The following GRIN2B variants were observed in gnomAD, a reference collection of about 807,000 sequenced individuals.
The protein encoded by GRIN2B is glutamate ionotropic receptor NMDA type subunit 2B.
In GRIN2B, 5 loss-of-function variants were observed where a neutral mutation model predicts 114.5. That is an observed-to-expected ratio of 0.04 (90% CI 0.02 to 0.09). The LOEUF (loss-of-function observed/expected upper bound fraction) is 0.09. GRIN2B is among the 10% of genes least tolerant of loss of function. GRIN2B has a pLI of 1.00. For missense variants in GRIN2B, 1,108 were observed against 1,943.5 expected (o/e 0.57, Z 8.08); for synonymous variants, 787 against 745.1 (o/e 1.06, Z -0.92).
At chr12:13,573,650 CCTCTTGGT>C (rs1244497291) in intron 10 of GRIN2B, among the ~76,000 whole-genome samples, 2 of 152,166 alleles carry the variant, frequency 1.3e-5, no homozygotes, top group Admixed American at 6.5e-5. Flanking sequence ...TATTTGAAGT[CCTCTTGGT>C]TTCAAGTAAT....
At position 13,554,150 on chromosome 12, in the gene GRIN2B, T is replaced by C. The variant is rs908533201; in HGVS notation, c.*8633A>G. On this transcript the variant is annotated 3_prime_UTR_variant, in exon 14 of 14. Coordinates refer to ENST00000609686, the MANE Select transcript of GRIN2B (RefSeq NM_000834.5). ...AATGCCTTTCATATACAAGGCACTC[T>C]GTTTAGTGCTACAGGAGATAAAAAG... The C allele has an allele frequency of 1.5e-4, 23 of 152,172 alleles. No individual in the cohort carries two copies. The highest frequency in any genetic ancestry group is 5.3e-4 in the African/African-American group (22 of 41,438). 9.4% of individuals were successfully genotyped at this position (152,172 alleles called of 1,614,324 possible).
chr12:13,655,616 T>C (rs1227966561), intron 5 of GRIN2B, among the ~76,000 whole-genome samples: 1 of 152,210 alleles, frequency 6.6e-6, no homozygotes, highest in Non-Finnish European at 1.5e-5. Flanking sequence ...GGCTCTTCCA[T>C]TGACTAGCTG....
chr12:13,920,219 C>A, intron 2 of GRIN2B, among the ~76,000 whole-genome samples: 1 of 131,808 alleles, frequency 7.6e-6, no homozygotes, highest in African/African-American at 2.9e-5. Flanking sequence ...GGTAACATAG[C>A]AAGACCCTAT....
chr12:13,563,160 C>T lies in GRIN2B; in HGVS notation c.4078G>A (p.Gly1360Arg). The stretch of plus-strand genomic sequence containing the variant: ...CCGGGGTTGTTGTGGTGGTGATGTC[C>T]GGCAGTGGGCACTGAGGACTTGTTG... ...ANNKSSVPTA[G>R]HHHHNNPGGG... Residue 1360 changes from glycine to arginine, a missense_variant, in exon 14 of 14, where the codon GGA becomes AGA. By Grantham distance (125) the Gly-to-Arg change is moderately radical (BLOSUM62 -2). Transcript: ENST00000609686. The T allele has an allele frequency of 6.2e-7, 1 of 1,614,176 alleles. No individual in the cohort carries two copies. Among genetic ancestry groups the T allele is most frequent in the Non-Finnish European group, 8.5e-7 (1 of 1,180,044 alleles).
In GRIN2B at chr12:13,540,232, G is replaced by T. The variant is rs929884688; in HGVS notation, c.*22551C>A. The T allele has an allele frequency of 1.3e-5, 2 of 152,060 alleles. No individual in the cohort carries two copies. Among genetic ancestry groups the T allele is most frequent in the Non-Finnish European group, 2.9e-5 (2 of 68,006 alleles). The allele number at this position is 152,060 out of a possible 1,614,324, so 9.4% of individuals were successfully genotyped here. A position where few individuals can be genotyped will look rare whatever the true frequency, so the allele number is the denominator to read the frequency against. On this transcript the variant is annotated 3_prime_UTR_variant, in exon 14 of 14. Transcript: ENST00000609686. ...GACCAAGAAAAAAACTCTGATTCTG[G>T]ATTTTTTTTAACCCTGATAATTTGT... is the stretch of plus-strand genomic sequence containing the variant.
At chr12:13,958,524 G>T (rs912461657) in intron 2 of GRIN2B, among the ~76,000 whole-genome samples, 8 of 152,202 alleles carry the variant, frequency 5.3e-5, no homozygotes, top group African/African-American at 1.9e-4. Context: ...TACCCCCATA[G>T]GTTAGTACAC....
chr12:13,645,570 C>A (rs1402040552), intron 5 of GRIN2B, among the ~76,000 whole-genome samples: 1 of 152,112 alleles, frequency 6.6e-6, no homozygotes, highest in Non-Finnish European at 1.5e-5. Context: ...TTGTAAAAAA[C>A]ACAGTGTCTG....
chr12:13,663,066 G>C (rs141823023), intron 5 of GRIN2B, among the ~76,000 whole-genome samples: 1 of 152,088 alleles, frequency 6.6e-6, no homozygotes, highest in African/African-American at 2.4e-5. Flanking sequence ...TGTACTTCTA[G>C]TAGGTTCCCC....
chr12:13,831,246 C>A (rs1455722707), intron 3 of GRIN2B, among the ~76,000 whole-genome samples: 1 of 152,152 alleles, frequency 6.6e-6, no homozygotes. Context: ...CCAAATAATC[C>A]TCTTTTCTTT....
At chr12:13,870,633 A>C (rs1865889843) in intron 2 of GRIN2B, among the ~76,000 whole-genome samples, 1 of 152,072 alleles carries the variant, frequency 6.6e-6, no homozygotes, top group Non-Finnish European at 1.5e-5. Context: ...TTAATCAATA[A>C]TTAAGTCAAA....
intron 10 of GRIN2B, among the ~76,000 whole-genome samples, chr12:13,578,983 C>T (rs972429361): frequency 2.0e-5 from 3 of 151,884 alleles, no homozygotes; most frequent in Non-Finnish European, 2.9e-5. Flanking sequence ...AATAATGTGG[C>T]GGGTGCTATG....
chr12:13,590,402 C>T lies in GRIN2B; in HGVS notation c.2010+18201G>A, dbSNP rs145998121. On this transcript the variant is annotated intron_variant, in intron 10 of 13. Coordinates refer to ENST00000609686, the MANE Select transcript of GRIN2B (RefSeq NM_000834.5). ...TCTCCCTCCCCTAGCCCCCCACTCC[C>T]GACAGGTGCTGGTGTGTGATGTTCC... Among the ~76,000 whole-genome samples, 4 of 152,144 alleles carry T rather than the reference C, an allele frequency of 2.6e-5. No individual in the cohort carries two copies. In the East Asian group the frequency reaches 5.8e-4, roughly 22 times the overall value.
chr12:13,706,991 G>C (rs970920700), intron 4 of GRIN2B, among the ~76,000 whole-genome samples: 13 of 152,022 alleles, frequency 8.6e-5, no homozygotes, highest in African/African-American at 3.1e-4. Flanking sequence ...GAGGCAATGA[G>C]GTTTTCCAAC....
At chr12:13,681,380 C>T (rs181572566) in intron 4 of GRIN2B, among the ~76,000 whole-genome samples, 32 of 152,188 alleles carry the variant, frequency 2.1e-4, no homozygotes, top group Admixed American at 2.0e-3. Context: ...TTTCCATGTG[C>T]CACCATGCTT....
At chr12:13,755,340 G>C (rs1256774212) in intron 3 of GRIN2B, among the ~76,000 whole-genome samples, 1 of 152,220 alleles carries the variant, frequency 6.6e-6, no homozygotes, top group African/African-American at 2.4e-5. Context: ...TCGGCAATGA[G>C]AGCTGCCAGC....
chr12:13,799,700 AG>A (rs1007314760), intron 3 of GRIN2B, among the ~76,000 whole-genome samples: 5 of 151,220 alleles, frequency 3.3e-5, no homozygotes, highest in African/African-American at 2.4e-5. Context: ...AGCAGGAGAG[AG>A]GGGGGGAAAG....
intron 3 of GRIN2B, among the ~76,000 whole-genome samples, chr12:13,789,373 T>C (rs577866441): frequency 4.9e-4 from 75 of 152,332 alleles, no homozygotes; most frequent in African/African-American, 1.8e-3. Context: ...TTTCAGAAGA[T>C]GGCTGCAGCT....
intron 3 of GRIN2B, among the ~76,000 whole-genome samples, chr12:13,860,810 C>T (rs879275545): frequency 6.6e-6 from 1 of 152,142 alleles, no homozygotes; most frequent in Non-Finnish European, 1.5e-5. Flanking sequence ...TTTTCTTCCC[C>T]ATTCTTGGAG....
intron 4 of GRIN2B, among the ~76,000 whole-genome samples, chr12:13,719,199 A>G (rs1253895462): frequency 6.6e-6 from 1 of 151,866 alleles, no homozygotes; most frequent in African/African-American, 2.4e-5. Context: ...CACCACCACT[A>G]CTTTCTCTCC....
Sources: allele counts gnomAD v4.1 joint callset (sites outside exome capture counted in the v4.1 genomes callset), GRCh38; gene constraint gnomAD v4.1.1; transcripts MANE v1.5; gene names NCBI Gene and HGNC (gene_info 2026-07-23, HGNC 2026-07-21).